ST3GAL3: variants seen among roughly 807,000 people sequenced by gnomAD.
ST3GAL3 encodes ST3 beta-galactoside alpha-2,3-sialyltransferase 3, also known as CMP-N-acetylneuraminate-beta-1,4-galactoside alpha-2,3-sialyltransferase.
Under a neutral mutation model 50.1 loss-of-function variants are expected in ST3GAL3, and 21 were observed. That is an observed-to-expected ratio of 0.42 (90% CI 0.30 to 0.60). The LOEUF is 0.60. Ranked by LOEUF, ST3GAL3 falls within the 20% of genes least tolerant of loss-of-function variation. The pLI is 0.19. For missense variants in ST3GAL3, 353 were observed against 489.4 expected (o/e 0.72, Z 2.63); for synonymous variants, 183 against 190.0 (o/e 0.96, Z 0.30).
At chr1:43,895,861 C>T (rs17533707) in intron 6 of ST3GAL3, among the ~76,000 whole-genome samples, 14,229 of 152,144 alleles carry the variant, frequency 0.094, 900 homozygotes, top group South Asian at 0.23. Context: ...CAGGGAAGTT[C>T]GATATGGAGC....
chr1:43,732,469 C>G (rs1468977283), intron 1 of ST3GAL3, among the ~76,000 whole-genome samples: 1 of 152,212 alleles, frequency 6.6e-6, no homozygotes, highest in Non-Finnish European at 1.5e-5. Flanking sequence ...CCCTTCTCTT[C>G]TTTTGCCCTT....
chr1:43,734,274 T>G (rs1677234998), intron 1 of ST3GAL3, among the ~76,000 whole-genome samples: 1 of 150,990 alleles, frequency 6.6e-6, no homozygotes, highest in Admixed American at 6.6e-5. Context: ...TTCTTTTCTT[T>G]CTTCTCTTTC....
intron 3 of ST3GAL3, among the ~76,000 whole-genome samples, chr1:43,813,226 C>T (rs2060775804): frequency 6.6e-6 from 1 of 152,110 alleles, no homozygotes; most frequent in Non-Finnish European, 1.5e-5. Flanking sequence ...GTCTGAGGAG[C>T]ACGGCATGAG....
chr1:43,829,409 C>A (rs548919013), intron 4 of ST3GAL3, among the ~76,000 whole-genome samples: 41 of 152,320 alleles, frequency 2.7e-4, no homozygotes, highest in African/African-American at 9.1e-4. Flanking sequence ...ATATATCTTA[C>A]AAATATTCTT....
intron 9 of ST3GAL3, among the ~76,000 whole-genome samples, chr1:43,902,500 C>G (rs550971696): frequency 1.3e-5 from 2 of 152,294 alleles, no homozygotes; most frequent in African/African-American, 2.4e-5. Flanking sequence ...TCTGAGAACT[C>G]TCCTCTTCAT....
chr1:43,798,861 T>C (rs942272367), intron 3 of ST3GAL3, among the ~76,000 whole-genome samples: 2 of 152,206 alleles, frequency 1.3e-5, no homozygotes, highest in East Asian at 1.9e-4. Context: ...TAATAGGTGC[T>C]AAGTAGGTGT....
At chr1:43,742,548 G>A (rs929093941) in intron 2 of ST3GAL3, among the ~76,000 whole-genome samples, 1 of 152,142 alleles carries the variant, frequency 6.6e-6, no homozygotes, top group Non-Finnish European at 1.5e-5. Context: ...ATCCACAGTG[G>A]CTAATGTTCA....
intron 2 of ST3GAL3, among the ~76,000 whole-genome samples, chr1:43,742,386 TGC>T (rs989535824): frequency 1.3e-5 from 2 of 152,140 alleles, no homozygotes; most frequent in Non-Finnish European, 2.9e-5. Flanking sequence ...AGGTCAAAAA[TGC>T]CATGGGCTTT....
intron 9 of ST3GAL3, among the ~76,000 whole-genome samples, chr1:43,907,889 G>A (rs137884459): frequency 9.9e-4 from 150 of 152,100 alleles, no homozygotes; most frequent in African/African-American, 3.4e-3. Flanking sequence ...AAAAGTCATC[G>A]CCTGTCCCAG....
intron 2 of ST3GAL3, among the ~76,000 whole-genome samples, chr1:43,790,182 A>G (rs2057871370): frequency 6.6e-6 from 1 of 152,220 alleles, no homozygotes; most frequent in Admixed American, 6.5e-5. Context: ...ATTTTTCTGT[A>G]CATTGTTATT....
chr1:43,899,367 G>C lies in ST3GAL3; in HGVS notation c.557+104G>C. ...CTGGCTAGTTGGGCTGGAGGTCAAC[G>C]GAAGCCTCAAGAACTCTGGGTTGGA... is the stretch of plus-strand genomic sequence containing the variant. On this transcript the variant is annotated intron_variant, in intron 8 of 11. Transcript: ENST00000347631. The surrounding 1 kb of genome is among the most constrained non-coding windows in gnomAD (Gnocchi z 5.4). 9 of 1,601,966 alleles carry C rather than the reference G, an allele frequency of 5.6e-6. No homozygotes were observed. In the South Asian group the frequency reaches 8.9e-5, roughly 16 times the overall value.
At chr1:43,782,986 T>C (rs1482837607) in intron 2 of ST3GAL3, among the ~76,000 whole-genome samples, 2 of 152,190 alleles carry the variant, frequency 1.3e-5, no homozygotes, top group African/African-American at 2.4e-5. Context: ...TTAAATAATA[T>C]ATGGTTTGTG....
intron 5 of ST3GAL3, chr1:43,838,528 C>A: frequency 1.9e-6 from 1 of 537,810 alleles, no homozygotes; most frequent in Middle Eastern, 5.2e-4. Flanking sequence ...CACCTTGTGG[C>A]ACAGCCTGTT....
At chr1:43,758,162 ACC>A (rs747611095) in intron 2 of ST3GAL3, among the ~76,000 whole-genome samples, 2 of 87,404 alleles carry the variant, frequency 2.3e-5, no homozygotes, top group Middle Eastern at 6.8e-3. Context: ...GCTGCATACC[ACC>A]CCCCCCCCCA....
chr1:43,875,746 T>G (rs2154251304), intron 5 of ST3GAL3, among the ~76,000 whole-genome samples: 1 of 152,256 alleles, frequency 6.6e-6, no homozygotes, highest in South Asian at 2.1e-4. Flanking sequence ...TTAAACCTCT[T>G]TCCTTTATAA....
At chr1:43,727,035 ACT>A (rs1673254464) in intron 1 of ST3GAL3, among the ~76,000 whole-genome samples, 1 of 151,988 alleles carries the variant, frequency 6.6e-6, no homozygotes, top group Non-Finnish European at 1.5e-5. Context: ...CTGTCGTTTC[ACT>A]CTGAGAGCTT....
At chr1:43,801,408 A>G (rs1281654742) in intron 3 of ST3GAL3, 1 of 455,798 alleles carries the variant, frequency 2.2e-6, no homozygotes, top group Non-Finnish European at 4.4e-6. Context: ...TTGAAATTCC[A>G]TTCTGGGGCT....
At chr1:43,717,056 G>A (rs1191930551) in intron 1 of ST3GAL3, among the ~76,000 whole-genome samples, 2 of 152,220 alleles carry the variant, frequency 1.3e-5, no homozygotes, top group Admixed American at 6.5e-5. Context: ...AGCGTGGCTT[G>A]TAATCCCTCT....
chr1:43,846,201 T>C (rs1401702812), intron 5 of ST3GAL3, among the ~76,000 whole-genome samples: 3 of 152,240 alleles, frequency 2.0e-5, no homozygotes, highest in African/African-American at 7.2e-5. Flanking sequence ...GTACACTTTT[T>C]CTAACAATTA....
Sources: gnomAD v4.1 joint callset for allele counts (sites outside exome capture counted in the v4.1 genomes callset) on GRCh38, gnomAD v4.1.1 for gene constraint, Gnocchi (gnomAD v3.1) non-coding constraint, MANE v1.5 for transcripts, NCBI Gene and HGNC (gene_info 2026-07-23, HGNC 2026-07-21) for gene names.